Variants in VPS13C observed in about 807,000 individuals in gnomAD.
VPS13C encodes the protein vacuolar protein sorting 13 homolog C.
A neutral mutation model predicts 456.8 loss-of-function variants in VPS13C; 358 were observed. The ratio of observed to expected loss-of-function variants is 0.78; its 90% CI spans 0.72 to 0.86. VPS13C has a LOEUF of 0.86. Among genes scored for constraint, VPS13C ranks in the 40% least tolerant of loss-of-function variants. The pLI, the probability that VPS13C is intolerant of heterozygous loss-of-function variation, is 0.00. For synonymous variants in VPS13C, 1,578 were observed against 1,486.7 expected (o/e 1.06, Z -1.41); for missense variants, 4,818 against 4,385.4 (o/e 1.10, Z -2.79).
At chr15:61,878,480 A>G in intron 74 of VPS13C, 127 bp downstream of exon 74, 3 of 1,241,884 alleles carry the variant, frequency 2.4e-6, no homozygotes, top group Non-Finnish European at 3.3e-6. Context: ...AATGAACCAA[A>G]TTCTCCAAAT....
At chr15:61,860,175 A>G (rs1264686329) in intron 82 of VPS13C, among the ~76,000 whole-genome samples, 1 of 152,204 alleles carries the variant, frequency 6.6e-6, no homozygotes, top group East Asian at 1.9e-4. Flanking sequence ...ATGAGCAAAG[A>G]ATATGAACAA....
At chr15:61,992,131 T>C (rs1287450357) in intron 16 of VPS13C, among the ~76,000 whole-genome samples, 1 of 152,202 alleles carries the variant, frequency 6.6e-6, no homozygotes, top group African/African-American at 2.4e-5. Context: ...CAGAACTGCA[T>C]GTTTATAAAA....
intron 47 of VPS13C, among the ~76,000 whole-genome samples, chr15:61,938,145 T>C (rs1327200167): frequency 1.3e-5 from 2 of 152,172 alleles, no homozygotes; most frequent in East Asian, 3.9e-4. Context: ...AGGCCTCATA[T>C]AACAGGTGTA....
At chr15:61,954,947 CAT>C (rs947204522) in intron 37 of VPS13C, among the ~76,000 whole-genome samples, 10 of 152,152 alleles carry the variant, frequency 6.6e-5, no homozygotes, top group African/African-American at 2.2e-4. Context: ...AATGATAACA[CAT>C]GATAGGTTTT....
chr15:62,059,223 C>G (rs956517739), intron 1 of VPS13C, among the ~76,000 whole-genome samples: 1 of 152,196 alleles, frequency 6.6e-6, no homozygotes. Context: ...TTAATTCATA[C>G]AGCAAGTCTC....
At chr15:62,019,271 T>C (rs1649478312) in intron 9 of VPS13C, among the ~76,000 whole-genome samples, 3 of 152,254 alleles carry the variant, frequency 2.0e-5, no homozygotes, top group Non-Finnish European at 4.4e-5. Flanking sequence ...TGAAGGGTTT[T>C]TTGTGTCTCT....
At chr15:61,869,762 T>G in intron 79 of VPS13C, 139 bp from the exon 80 acceptor site, 2 of 1,414,954 alleles carry the variant, frequency 1.4e-6, no homozygotes, top group Non-Finnish European at 1.9e-6. Flanking sequence ...AAGTTAAATG[T>G]AATCCTAATG....
In VPS13C at chr15:61,907,244, T is replaced by G. The variant is rs773779516; in HGVS notation, c.9105+20A>C. 1 of 1,613,212 alleles carries G rather than the reference T, an allele frequency of 6.2e-7. No individual in the cohort carries two copies. The highest frequency in any genetic ancestry group is 1.1e-5 in the South Asian group (1 of 91,060). ...CACTGTCAGGTAACTCATATAGCAC[T>G]CATTCACATCAAAAGATACCTTTAA... On this transcript the variant is annotated intron_variant, in intron 66 of 84. Transcript: ENST00000644861.
rs774647259 is a variant in VPS13C, at chr15:61,867,932, G to A, written c.10863+727C>T. ...AGTAGTTTAGGAAACATTTATTCCT[G>A]TATTTCCAGTTCTTGCTGTGCAGGC... On this transcript the variant is annotated intron_variant, in intron 81 of 84. Transcript: ENST00000644861. This position sits in a 1 kb window ranked among gnomAD's most constrained non-coding sequence, Gnocchi z 5.0. 1.2e-6 allele frequency: 2 copies of A among 1,603,606 alleles called. No homozygotes were observed. Among genetic ancestry groups the A allele is most frequent in the Non-Finnish European group, 1.7e-6 (2 of 1,172,204 alleles).
chr15:61,863,410 A>G (rs770804189), intron 82 of VPS13C, 30 bp downstream of exon 82: 5 of 1,561,964 alleles, frequency 3.2e-6, no homozygotes, highest in Non-Finnish European at 4.4e-6. Context: ...ACTAAGTACT[A>G]TTTGGAAAAA....
chr15:61,880,981 A>G, intron 71 of VPS13C, 27 bp from the exon 72 acceptor site: 1 of 1,536,214 alleles, frequency 6.5e-7, no homozygotes, highest in Non-Finnish European at 8.9e-7. Flanking sequence ...AAAATGGAAA[A>G]GGATTTCTAC....
At chr15:62,043,175 T>C (rs758959933) in intron 2 of VPS13C, among the ~76,000 whole-genome samples, 4 of 152,140 alleles carry the variant, frequency 2.6e-5, no homozygotes, top group Non-Finnish European at 4.4e-5. Context: ...GAAAAATATT[T>C]AAATTTTTGA....
intron 42 of VPS13C, among the ~76,000 whole-genome samples, chr15:61,947,585 C>T (rs2044649640): frequency 1.3e-5 from 2 of 151,544 alleles, no homozygotes; most frequent in East Asian, 1.9e-4. Flanking sequence ...TTTACTACAA[C>T]TTTTTTTCTG....
At chr15:61,896,762 G>C (rs1292763659) in intron 66 of VPS13C, among the ~76,000 whole-genome samples, 4 of 152,342 alleles carry the variant, frequency 2.6e-5, no homozygotes, top group Non-Finnish European at 5.9e-5. Flanking sequence ...AGCTCAAGGA[G>C]GCCTGCCTGC....
intron 65 of VPS13C, among the ~76,000 whole-genome samples, chr15:61,908,338 GA>G (rs1462746963): frequency 4.0e-5 from 6 of 151,174 alleles, no homozygotes; most frequent in Non-Finnish European, 5.9e-5. Flanking sequence ...ATATATGCAT[GA>G]ATATATACAC....
chr15:62,013,025 T>A lies in VPS13C; in HGVS notation c.825+14A>T. The stretch of plus-strand genomic sequence containing the variant: ...GGAGTGAAGTTAGCTCTTCCAAGTA[T>A]ACATTAATATTACCAAAATCTGTTC... On this transcript the variant is annotated intron_variant, in intron 11 of 84. Coordinates refer to ENST00000644861, the MANE Select transcript of VPS13C (RefSeq NM_020821.3). 6.2e-7 allele frequency: 1 copy of A among 1,600,788 alleles called. No individual in the cohort carries two copies. The highest frequency in any genetic ancestry group is 8.5e-7 in the Non-Finnish European group (1 of 1,172,194).
At chr15:62,013,909 A>C in intron 10 of VPS13C, 24 bp downstream of exon 10, 1 of 1,574,240 alleles carries the variant, frequency 6.4e-7, no homozygotes, top group African/African-American at 1.4e-5. Context: ...GAAACTAACA[A>C]AAATTTTTAT....
intron 4 of VPS13C, 70 bp from the exon 5 acceptor site, chr15:62,033,612 C>A: frequency 8.8e-7 from 1 of 1,136,140 alleles, no homozygotes; most frequent in South Asian, 1.6e-5. Context: ...AAAAGTTCAG[C>A]CTCATTAGGA....
intron 9 of VPS13C, among the ~76,000 whole-genome samples, chr15:62,015,345 G>A (rs1268249960): frequency 6.6e-6 from 1 of 152,068 alleles, no homozygotes; most frequent in Non-Finnish European, 1.5e-5. Context: ...CTGTGCAGAA[G>A]CTCTTGAGTT....
Sources: allele counts gnomAD v4.1 joint callset (sites outside exome capture counted in the v4.1 genomes callset), GRCh38; gene constraint gnomAD v4.1.1; non-coding constraint Gnocchi (gnomAD v3.1); transcripts MANE v1.5; gene names NCBI Gene and HGNC (gene_info 2026-07-23, HGNC 2026-07-21).